MYO16: variants seen among roughly 807,000 people sequenced by gnomAD.
The protein encoded by MYO16 is unconventional myosin-XVI.
Under a neutral mutation model 205.3 loss-of-function variants are expected in MYO16, and 94 were observed. That is an observed-to-expected ratio of 0.46 (90% CI 0.39 to 0.54). The LOEUF (loss-of-function observed/expected upper bound fraction) is 0.54, where lower values mean the gene tolerates loss of function less well. MYO16 is among the 20% of genes least tolerant of loss of function. The probability of loss-of-function intolerance (pLI) is 0.00; values close to 1 mark genes in which losing one functional copy is unlikely to be tolerated. For synonymous variants in MYO16, 988 were observed against 954.0 expected, an observed-to-expected ratio of 1.04 and a Z score of -0.66; for missense variants, 2,315 against 2,387.5, an observed-to-expected ratio of 0.97 and a Z score of 0.63.
intron 2 of MYO16, among the ~76,000 whole-genome samples, chr13:108,672,122 T>G (rs964510380): frequency 6.6e-6 from 1 of 152,184 alleles, no homozygotes; most frequent in South Asian, 2.1e-4. Context: ...AAATATGAAT[T>G]TCTTACAATT....
intron 16 of MYO16, among the ~76,000 whole-genome samples, chr13:108,916,177 C>T (rs946016105): frequency 6.6e-6 from 1 of 152,174 alleles, no homozygotes; most frequent in African/African-American, 2.4e-5. Flanking sequence ...CTCACAGACT[C>T]CATTATTAAT....
At chr13:108,953,339 C>T (rs549051706) in intron 16 of MYO16, among the ~76,000 whole-genome samples, 21 of 152,288 alleles carry the variant, frequency 1.4e-4, no homozygotes, top group Non-Finnish European at 2.8e-4. Context: ...TCATTAATGA[C>T]AGAGTACATT....
chr13:109,201,661 T>C (rs989822234), intron 34 of MYO16, among the ~76,000 whole-genome samples: 12 of 152,226 alleles, frequency 7.9e-5, no homozygotes, highest in Admixed American at 7.2e-4. Flanking sequence ...CATGAGTAAG[T>C]TCTTTAGTGG....
At chr13:109,007,667 G>A (rs911188661) in intron 21 of MYO16, among the ~76,000 whole-genome samples, 1 of 151,276 alleles carries the variant, frequency 6.6e-6, no homozygotes. Context: ...TTGAGTTATG[G>A]TATAGTTTTT....
intron 1 of MYO16, among the ~76,000 whole-genome samples, chr13:108,644,582 G>A (rs1880668444): frequency 6.6e-6 from 1 of 152,118 alleles, no homozygotes; most frequent in Non-Finnish European, 1.5e-5. Context: ...TTGTAAAGAA[G>A]AAATTCTTAA....
chr13:109,088,550 CT>C (rs79826723), intron 27 of MYO16, among the ~76,000 whole-genome samples: 13 of 149,596 alleles, frequency 8.7e-5, no homozygotes, highest in South Asian at 4.2e-4. Flanking sequence ...ATTCAGCATT[CT>C]TTTTTTTTTA....
In MYO16 at chr13:108,881,057, C is replaced by T. The variant is rs149812884; in HGVS notation, c.1426-2002C>T. ...ACCTCCCAGTAGCGGATGACTGACA[C>T]GTCATACAGCCAGGTGTCCCTCTGA... On this transcript the variant is annotated intron_variant, in intron 12 of 34. Coordinates refer to ENST00000457511, the MANE Select transcript of MYO16 (RefSeq NM_001198950.3). Among the ~76,000 whole-genome samples the T allele has an allele frequency of 5.1e-3, 771 of 152,270 alleles. 11 individuals carry two copies. The highest frequency in any genetic ancestry group is 0.017 in the African/African-American group (703 of 41,552).
intron 1 of MYO16, among the ~76,000 whole-genome samples, chr13:108,620,796 C>T (rs937024739): frequency 1.3e-5 from 2 of 152,202 alleles, no homozygotes; most frequent in Admixed American, 6.5e-5. Context: ...AACACACTAT[C>T]CTCTTTATTT....
intron 1 of MYO16, among the ~76,000 whole-genome samples, chr13:108,664,080 A>G (rs1594188589): frequency 6.6e-6 from 1 of 152,188 alleles, no homozygotes; most frequent in East Asian, 1.9e-4. Context: ...TTTCAGAACC[A>G]CTGTTGTCTA....
intron 10 of MYO16, among the ~76,000 whole-genome samples, chr13:108,854,698 G>A (rs1878075132): frequency 6.6e-6 from 1 of 151,920 alleles, no homozygotes; most frequent in African/African-American, 2.4e-5. Flanking sequence ...TACATCAAAT[G>A]ACTACTTTTC....
intron 9 of MYO16, among the ~76,000 whole-genome samples, chr13:108,842,995 C>T (rs1026314748): frequency 6.6e-6 from 1 of 152,194 alleles, no homozygotes; most frequent in Admixed American, 6.6e-5. Context: ...GTAAGCCAGA[C>T]ACAGACCGAC....
chr13:108,522,766 T>TTGTGTGTG, the MYO16 span, among the ~76,000 whole-genome samples: 382 of 149,758 alleles, frequency 2.6e-3, 3 homozygotes, highest in African/African-American at 8.2e-3. Context: ...GTGTGTGTGT[T>TTGTGTGTG]TGTGTGTGTG....
chr13:108,787,817 C>T (rs12430559), intron 5 of MYO16, among the ~76,000 whole-genome samples: 30,865 of 152,192 alleles, frequency 0.2, 3,636 homozygotes, highest in African/African-American at 0.33. Context: ...TCACTGCAGT[C>T]GCTCTGGCCC....
At chr13:108,906,298 T>C (rs773930521) in intron 15 of MYO16, among the ~76,000 whole-genome samples, 7 of 152,172 alleles carry the variant, frequency 4.6e-5, no homozygotes, top group Non-Finnish European at 1.0e-4. Flanking sequence ...TATCCAAGGG[T>C]ATTTAAGTTG....
At chr13:108,532,994 T>C in the MYO16 span, among the ~76,000 whole-genome samples, 10 of 152,030 alleles carry the variant, frequency 6.6e-5, no homozygotes, top group African/African-American at 2.2e-4. Context: ...ACCTGCTTCA[T>C]TTAGATGGAA....
intron 31 of MYO16, among the ~76,000 whole-genome samples, chr13:109,136,363 G>C (rs1263236711): frequency 6.6e-6 from 1 of 152,164 alleles, no homozygotes; most frequent in Non-Finnish European, 1.5e-5. Context: ...AAAGTGATGG[G>C]ATTGCAGGCA....
chr13:108,636,003 G>C (rs973412006), intron 1 of MYO16, among the ~76,000 whole-genome samples: 10 of 152,098 alleles, frequency 6.6e-5, no homozygotes, highest in African/African-American at 2.4e-4. Context: ...TTTAATTCAT[G>C]TGGAATTAAG....
At chr13:108,592,698 G>T (rs1309585743), upstream of MYO16, among the ~76,000 whole-genome samples, 3 of 143,510 alleles carry the variant, frequency 2.1e-5, no homozygotes, top group East Asian at 4.4e-4. Flanking sequence ...TGTGGGGTTT[G>T]TGGGGTACGT....
chr13:109,177,967 TCCTC>T (rs1879283691), intron 33 of MYO16, among the ~76,000 whole-genome samples: 1 of 152,136 alleles, frequency 6.6e-6, no homozygotes, highest in Non-Finnish European at 1.5e-5. Flanking sequence ...ATCAGCCCCT[TCCTC>T]CCAGCACCCC....
Sources: gnomAD v4.1 joint callset for allele counts (sites outside exome capture counted in the v4.1 genomes callset) on GRCh38, gnomAD v4.1.1 for gene constraint, MANE v1.5 for transcripts, NCBI Gene and HGNC (gene_info 2026-07-23, HGNC 2026-07-21) for gene names.